The following HDAC4 variants were observed in gnomAD, a reference collection of about 807,000 sequenced individuals.
HDAC4 encodes the protein histone deacetylase A.
In HDAC4, 16 loss-of-function variants were observed where a neutral mutation model predicts 135.1. The ratio of observed to expected loss-of-function variants is 0.12; its 90% CI spans 0.08 to 0.18. HDAC4 has a LOEUF of 0.18. HDAC4 is among the 10% of genes least tolerant of loss of function. The probability of loss-of-function intolerance (pLI) is 1.00; values close to 1 mark genes in which losing one functional copy is unlikely to be tolerated. For missense variants in HDAC4, 1,143 were observed against 1,511.8 expected, an observed-to-expected ratio of 0.76 and a Z score of 4.05; for synonymous variants, 685 against 653.4, an observed-to-expected ratio of 1.05 and a Z score of -0.74.
chr2:239,335,364 TA>T (rs766194765), intron 2 of HDAC4, among the ~76,000 whole-genome samples: 249 of 137,368 alleles, frequency 1.8e-3, no homozygotes, highest in Middle Eastern at 7.8e-3. Context: ...ACCTCACACA[TA>T]AAAAAAAAAA....
chr2:239,334,110 CG>C (rs1691763533), intron 2 of HDAC4, among the ~76,000 whole-genome samples: 1 of 152,154 alleles, frequency 6.6e-6, no homozygotes, highest in South Asian at 2.1e-4. Flanking sequence ...AAACACTGTG[CG>C]AGGTATCTGG....
At chr2:239,129,035 C>A (rs1355356365) in intron 11 of HDAC4, among the ~76,000 whole-genome samples, 7 of 152,192 alleles carry the variant, frequency 4.6e-5, no homozygotes, top group African/African-American at 1.7e-4. Flanking sequence ...CCCATTGGAA[C>A]AGGGCTTCAT....
chr2:239,115,670 G>T lies in HDAC4; in HGVS notation c.1534-360C>A, dbSNP rs2039063351. On this transcript the variant is annotated intron_variant, in intron 12 of 26. Transcript: ENST00000543185. This position sits in a 1 kb window ranked among gnomAD's most constrained non-coding sequence, Gnocchi z 6.3. ...TGCAGAGGAGAGCTTGAGTGTGAAG[G>T]GGAGAGGCCAATGCTGACCTCACAG... Among the ~76,000 whole-genome samples, 1 of 151,944 alleles carries T rather than the reference G, an allele frequency of 6.6e-6. No homozygotes were observed. The highest frequency in any genetic ancestry group is 2.4e-5 in the African/African-American group (1 of 41,368).
intron 22 of HDAC4, among the ~76,000 whole-genome samples, chr2:239,076,202 C>T (rs1353171343): frequency 1.3e-5 from 2 of 151,834 alleles, no homozygotes; most frequent in African/African-American, 4.8e-5. Context: ...GTTGGAACAG[C>T]AGGCGGGTGT....
At chr2:239,399,761 C>G (rs1696815296) in intron 1 of HDAC4, among the ~76,000 whole-genome samples, 2 of 152,218 alleles carry the variant, frequency 1.3e-5, no homozygotes, top group South Asian at 4.1e-4. Context: ...GCAAGCAGAA[C>G]TGCTCTCAGC....
chr2:239,397,124 G>A (rs1020587788), intron 1 of HDAC4, among the ~76,000 whole-genome samples: 6 of 152,202 alleles, frequency 3.9e-5, no homozygotes, highest in African/African-American at 9.6e-5. Flanking sequence ...ATTCCAAATC[G>A]TCCTCTTCTC....
intron 2 of HDAC4, among the ~76,000 whole-genome samples, chr2:239,312,825 G>A (rs940694723): frequency 3.3e-5 from 5 of 152,200 alleles, no homozygotes; most frequent in Non-Finnish European, 4.4e-5. Context: ...CCTGGTACAC[G>A]GAGAGGGGAG....
intron 9 of HDAC4, among the ~76,000 whole-genome samples, chr2:239,136,199 C>T (rs955615549): frequency 6.6e-6 from 1 of 152,128 alleles, no homozygotes; most frequent in South Asian, 2.1e-4. Flanking sequence ...CAGAAGCTAA[C>T]GTTAATAATG....
chr2:239,063,765 C>T (rs2033119263), intron 24 of HDAC4, among the ~76,000 whole-genome samples: 1 of 152,250 alleles, frequency 6.6e-6, no homozygotes, highest in African/African-American at 2.4e-5. Flanking sequence ...CCCAGGGTCA[C>T]CCTGCCCTTG....
chr2:239,094,002 A>C (rs929143676), intron 17 of HDAC4: 3 of 985,388 alleles, frequency 3.0e-6, no homozygotes, highest in African/African-American at 1.7e-5. Context: ...TTTTATAAAA[A>C]CTCAGGAAGA....
chr2:239,064,818 A>G (rs1265941813), intron 24 of HDAC4, among the ~76,000 whole-genome samples: 1 of 152,128 alleles, frequency 6.6e-6, no homozygotes, highest in Non-Finnish European at 1.5e-5. Context: ...ACCCACGCCC[A>G]TGTGCAGGAG....
Position 239,081,177 on chromosome 2 carries a change from C to T in HDAC4, c.2668G>A (p.Gly890Ser), listed in dbSNP as rs1299272799. 2.5e-6 allele frequency: 4 copies of T among 1,613,400 alleles called. No homozygotes were observed. The highest frequency in any genetic ancestry group is 3.3e-5 in the Admixed American group (2 of 59,964). The part of the protein sequence containing the change: ...GAPDEVGTGP[G>S]VGFNVNMAFT... ...GCCATGTTGACGTTGAAACCCACGC[C>T]GGGCCCTGTGCCCACCTGTGGCCAG... The change falls in exon 22 of 27, where the codon GGC becomes AGC. Residue 890 changes from glycine (G) to serine (S), a missense_variant. Physicochemically the swap from Gly to Ser is moderately conservative, Grantham distance 56 (BLOSUM62 0). Coordinates refer to ENST00000543185, the MANE Select transcript of HDAC4 (RefSeq NM_001378414.1).
At chr2:239,110,013 A>C (rs1383989305) in intron 14 of HDAC4, among the ~76,000 whole-genome samples, 1 of 152,234 alleles carries the variant, frequency 6.6e-6, no homozygotes, top group East Asian at 1.9e-4. Context: ...ACGTGGCTAA[A>C]GGAACGCACT....
intron 3 of HDAC4, among the ~76,000 whole-genome samples, chr2:239,224,176 C>T (rs1055286621): frequency 6.6e-6 from 1 of 152,236 alleles, no homozygotes; most frequent in Middle Eastern, 3.2e-3. Context: ...TCTTCTGTTT[C>T]CTGCACAGCC....
intron 22 of HDAC4, among the ~76,000 whole-genome samples, chr2:239,079,327 C>A (rs2035067813): frequency 6.6e-6 from 1 of 152,214 alleles, no homozygotes; most frequent in Non-Finnish European, 1.5e-5. Flanking sequence ...GGTTCAGGTA[C>A]AGATCAGGGC....
chr2:239,068,838 A>G lies in HDAC4; in HGVS notation c.2751-231T>C, dbSNP rs2033870046. ...TCACATCTTCACAGTGCAAGCCAGC[A>G]AGCCCCACGACACTTGCTTGGTGAG... On this transcript the variant is annotated intron_variant, in intron 22 of 26. Coordinates refer to ENST00000543185, the MANE Select transcript of HDAC4 (RefSeq NM_001378414.1). This position sits in a 1 kb window ranked among gnomAD's most constrained non-coding sequence, Gnocchi z 4.4. The G allele has an allele frequency of 1.7e-6, 1 of 579,244 alleles. No individual in the cohort carries two copies. The highest frequency in any genetic ancestry group is 3.2e-6 in the Non-Finnish European group (1 of 311,676). 35.9% of individuals were successfully genotyped at this position (579,244 alleles called of 1,614,324 possible). A position where few individuals can be genotyped will look rare whatever the true frequency, so the allele number is the denominator to read the frequency against.
chr2:239,225,761 C>A (rs1191401334), intron 3 of HDAC4, among the ~76,000 whole-genome samples: 6 of 152,200 alleles, frequency 3.9e-5, no homozygotes, highest in African/African-American at 1.4e-4. Flanking sequence ...CCAAGGGACA[C>A]CTCCAGTCCT....
chr2:239,176,646 C>T, intron 4 of HDAC4, 83 bp from the exon 5 acceptor site: 2 of 1,334,094 alleles, frequency 1.5e-6, no homozygotes, highest in Non-Finnish European at 2.1e-6. Context: ...AAGAAACCAG[C>T]CCAGGCCCTA....
At chr2:239,341,399 A>G (rs532264911) in intron 2 of HDAC4, among the ~76,000 whole-genome samples, 2 of 152,352 alleles carry the variant, frequency 1.3e-5, no homozygotes, top group East Asian at 3.9e-4. Context: ...ACAGGGCTGG[A>G]AGAATCAGCC....
Sources: gnomAD v4.1 joint callset for allele counts (sites outside exome capture counted in the v4.1 genomes callset) on GRCh38, gnomAD v4.1.1 for gene constraint, Gnocchi (gnomAD v3.1) non-coding constraint, MANE v1.5 for transcripts, NCBI Gene and HGNC (gene_info 2026-07-23, HGNC 2026-07-21) for gene names.